The following GATAD2A variants were observed in gnomAD, a reference collection of about 807,000 sequenced individuals.
The protein encoded by GATAD2A is GATA zinc finger domain containing 2A.
Under a neutral mutation model 68.5 loss-of-function variants are expected in GATAD2A, and 12 were observed. The observed-to-expected ratio is 0.18, with a 90% CI of 0.11 to 0.28. The LOEUF is 0.28. Ranked by LOEUF, GATAD2A falls within the 10% of genes least tolerant of loss-of-function variation. The probability of loss-of-function intolerance (pLI) is 1.00; values close to 1 mark genes in which losing one functional copy is unlikely to be tolerated. For missense variants in GATAD2A, 755 were observed against 868.5 expected, an observed-to-expected ratio of 0.87 and a Z score of 1.64; for synonymous variants, 410 against 375.3, an observed-to-expected ratio of 1.09 and a Z score of -1.07.
intron 1 of GATAD2A, among the ~76,000 whole-genome samples, chr19:19,391,034 G>T (rs117896238): frequency 6.6e-6 from 1 of 150,538 alleles, no homozygotes. Flanking sequence ...GGCAGGGGTC[G>T]GGGGGCAGTG....
chr19:19,408,716 C>G (rs1200239394), intron 1 of GATAD2A, among the ~76,000 whole-genome samples: 4 of 152,186 alleles, frequency 2.6e-5, no homozygotes, highest in African/African-American at 7.2e-5. Context: ...TGCGAGGAAT[C>G]CCTCCTCAGT....
At chr19:19,441,657 G>A (rs1385790543) in intron 1 of GATAD2A, 1 of 181,124 alleles carries the variant, frequency 5.5e-6, no homozygotes, top group Non-Finnish European at 1.2e-5. Flanking sequence ...CGCCTCCCAG[G>A]TTCATGCCAT....
chr19:19,436,997 G>A (rs1008319276), intron 1 of GATAD2A, among the ~76,000 whole-genome samples: 8 of 152,226 alleles, frequency 5.3e-5, no homozygotes, highest in Admixed American at 6.5e-5. Context: ...CAGAACAAGT[G>A]TTGCGGTCAG....
At chr19:19,453,705 C>T (rs2147857171) in intron 1 of GATAD2A, among the ~76,000 whole-genome samples, 1 of 148,620 alleles carries the variant, frequency 6.7e-6, no homozygotes, top group South Asian at 2.1e-4. Flanking sequence ...GAGACGGAGT[C>T]TTGCTCCGTC....
At position 19,492,655 on chromosome 19, in the gene GATAD2A, C is replaced by A; in HGVS notation, c.477C>A (p.Leu159=). The A allele has an allele frequency of 6.2e-7, 1 of 1,614,096 alleles. No homozygotes were observed. Among genetic ancestry groups the A allele is most frequent in the Non-Finnish European group, 8.5e-7 (1 of 1,179,978 alleles). ...AATTGAGGTTAGAAGAAGCAAAACT[C>A]GTGTTGTTGAAAAAGTTGCGGCAGA... ...KEELRLEEAK[L]VLLKKLRQSQ... is the part of the protein sequence containing the mutation. Residue 159 remains leucine, a synonymous_variant, in exon 4 of 12, where the codon CTC becomes CTA. Coordinates refer to ENST00000683918, the MANE Select transcript of GATAD2A (RefSeq NM_001384528.1).
intron 1 of GATAD2A, among the ~76,000 whole-genome samples, chr19:19,458,220 T>A (rs2057115233): frequency 6.6e-6 from 1 of 152,208 alleles, no homozygotes; most frequent in African/African-American, 2.4e-5. Context: ...ACCACGGCTT[T>A]CCCTTCCTTG....
chr19:19,427,525 A>T (rs1484151541), intron 1 of GATAD2A: 3 of 152,038 alleles, frequency 2.0e-5, no homozygotes, highest in Non-Finnish European at 1.5e-5. Context: ...TAGAGTGCGG[A>T]TATTCTATGG....
At chr19:19,436,517 G>A (rs537114309) in intron 1 of GATAD2A, among the ~76,000 whole-genome samples, 1 of 152,376 alleles carries the variant, frequency 6.6e-6, no homozygotes, top group African/African-American at 2.4e-5. Flanking sequence ...ATCCTGGCCA[G>A]TGGCCTTTGC....
intron 1 of GATAD2A, 65 bp from the exon 2 acceptor site, chr19:19,465,275 T>C (rs1313873468): frequency 4.9e-6 from 6 of 1,233,652 alleles, no homozygotes; most frequent in Non-Finnish European, 7.1e-6. Flanking sequence ...CACTGAAAAG[T>C]CTCCAAGAAG....
At chr19:19,470,752 CAAAA>C (rs144396337) in intron 2 of GATAD2A, among the ~76,000 whole-genome samples, 1 of 144,816 alleles carries the variant, frequency 6.9e-6, no homozygotes, top group African/African-American at 2.5e-5. Context: ...CTGTAAAAAA[CAAAA>C]AAAAAAGGAA....
At chr19:19,484,015 T>A (rs2059243460) in intron 2 of GATAD2A, among the ~76,000 whole-genome samples, 1 of 151,814 alleles carries the variant, frequency 6.6e-6, no homozygotes, top group South Asian at 2.1e-4. Context: ...ACACCACCCC[T>A]TGGGAAAGGA....
chr19:19,505,294 G>C, intron 11 of GATAD2A, 50 bp from the exon 12 acceptor site: 1 of 1,594,410 alleles, frequency 6.3e-7, no homozygotes, highest in Non-Finnish European at 8.6e-7. Flanking sequence ...CTCCTCCCAG[G>C]AGCCCTCCTG....
At chr19:19,422,211 A>G (rs2052508922) in intron 1 of GATAD2A, among the ~76,000 whole-genome samples, 1 of 152,224 alleles carries the variant, frequency 6.6e-6, no homozygotes, top group Non-Finnish European at 1.5e-5. Flanking sequence ...GCCTCTTCCC[A>G]GCAAGGAAAA....
intron 1 of GATAD2A, among the ~76,000 whole-genome samples, chr19:19,463,859 C>T (rs1239114656): frequency 6.6e-6 from 1 of 152,232 alleles, no homozygotes; most frequent in Non-Finnish European, 1.5e-5. Flanking sequence ...GCCTGCTTTC[C>T]CTCTGGCTCC....
At chr19:19,468,445 A>G (rs1197782321) in intron 2 of GATAD2A, among the ~76,000 whole-genome samples, 1 of 152,220 alleles carries the variant, frequency 6.6e-6, no homozygotes, top group Non-Finnish European at 1.5e-5. Flanking sequence ...TTGAGGAGAA[A>G]CTCATCCAGG....
At chr19:19,457,085 CAG>C (rs2057002081) in intron 1 of GATAD2A, 1 of 985,170 alleles carries the variant, frequency 1.0e-6, no homozygotes, top group Non-Finnish European at 1.2e-6. Context: ...TCCTTCAACT[CAG>C]AGCACTCCTA....
chr19:19,501,930 G>A (rs759545531), intron 9 of GATAD2A, 39 bp from the exon 10 acceptor site: 32 of 1,543,868 alleles, frequency 2.1e-5, no homozygotes, highest in Admixed American at 1.5e-4. Context: ...GCCGGCCAGC[G>A]GACCGCACTG....
chr19:19,440,085 C>A, intron 1 of GATAD2A: 1 of 378,090 alleles, frequency 2.6e-6, no homozygotes, highest in Non-Finnish European at 5.2e-6. Flanking sequence ...TGCCTGAGCC[C>A]CTGAGTGAAG....
At chr19:19,423,468 G>A (rs545852376) in intron 1 of GATAD2A, among the ~76,000 whole-genome samples, 2 of 152,368 alleles carry the variant, frequency 1.3e-5, no homozygotes, top group African/African-American at 2.4e-5. Flanking sequence ...GAAGCTTCTG[G>A]GACTAAGAAC....
Sources: gnomAD v4.1 joint callset for allele counts (sites outside exome capture counted in the v4.1 genomes callset) on GRCh38, gnomAD v4.1.1 for gene constraint, MANE v1.5 for transcripts, NCBI Gene and HGNC (gene_info 2026-07-23, HGNC 2026-07-21) for gene names.